FNIP2: variants seen among roughly 807,000 people sequenced by gnomAD.
FNIP2 encodes the protein folliculin interacting protein 2.
Under a neutral mutation model 108.7 loss-of-function variants are expected in FNIP2, and 32 were observed. The observed-to-expected ratio is 0.29, with a 90% CI of 0.22 to 0.40. The LOEUF (loss-of-function observed/expected upper bound fraction) is 0.40. FNIP2 is among the 10% of genes least tolerant of loss of function. The probability of loss-of-function intolerance (pLI) is 1.00; values close to 1 mark genes in which losing one functional copy is unlikely to be tolerated. For synonymous variants in FNIP2, 480 were observed against 496.7 expected (o/e 0.97, Z 0.45); for missense variants, 1,202 against 1,381.6 (o/e 0.87, Z 2.06).
intron 7 of FNIP2, among the ~76,000 whole-genome samples, chr4:158,838,221 T>G (rs1300067656): frequency 6.9e-6 from 1 of 144,498 alleles, no homozygotes; most frequent in African/African-American, 2.5e-5. Flanking sequence ...TATTCTCTTT[T>G]AGGCCTGCTT....
At chr4:158,811,800 G>T (rs183218479) in intron 1 of FNIP2, among the ~76,000 whole-genome samples, 4 of 152,188 alleles carry the variant, frequency 2.6e-5, no homozygotes, top group African/African-American at 9.6e-5. Flanking sequence ...CATGAGTCCC[G>T]AAGTTAGAGA....
intron 1 of FNIP2, among the ~76,000 whole-genome samples, chr4:158,770,019 A>T (rs1561271699): frequency 6.6e-6 from 1 of 152,202 alleles, no homozygotes; most frequent in Non-Finnish European, 1.5e-5. Context: ...AAAATGCTTT[A>T]TGTTGATTTC....
intron 16 of FNIP2, among the ~76,000 whole-genome samples, chr4:158,897,836 A>C (rs1405953394): frequency 6.6e-6 from 1 of 152,128 alleles, no homozygotes; most frequent in Non-Finnish European, 1.5e-5. Flanking sequence ...GAAACTCTTT[A>C]GTTTAATTAG....
intron 16 of FNIP2, among the ~76,000 whole-genome samples, chr4:158,901,483 G>C (rs569715456): frequency 6.6e-6 from 1 of 151,924 alleles, no homozygotes; most frequent in African/African-American, 2.4e-5. Context: ...TGCTCTTCTC[G>C]AGGAGTATCT....
chr4:158,825,363 C>T (rs1778096037), intron 1 of FNIP2, among the ~76,000 whole-genome samples: 1 of 152,140 alleles, frequency 6.6e-6, no homozygotes, highest in South Asian at 2.1e-4. Flanking sequence ...TACAGTGATG[C>T]ACTTGGTTTC....
chr4:158,775,420 T>C (rs1215603422), intron 1 of FNIP2, among the ~76,000 whole-genome samples: 1 of 152,154 alleles, frequency 6.6e-6, no homozygotes, highest in Non-Finnish European at 1.5e-5. Flanking sequence ...ATGATTATTA[T>C]GTAAAAAAAG....
At chr4:158,842,389 TAA>T (rs1560794182) in intron 7 of FNIP2, among the ~76,000 whole-genome samples, 1 of 152,230 alleles carries the variant, frequency 6.6e-6, no homozygotes, top group Non-Finnish European at 1.5e-5. Context: ...AATTAATCTA[TAA>T]GTTTAGTGTA....
chr4:158,904,623 G>T lies in FNIP2; in HGVS notation c.*79G>T. On this transcript the variant is annotated 3_prime_UTR_variant, in exon 17 of 17. Transcript: ENST00000264433. ...AAGGAGAAAGGAATAAGCTCTCTGT[G>T]ATGTCAAAAGCATGAGAAGAGCAAA... 1 of 1,240,468 alleles carries T rather than the reference G, an allele frequency of 8.1e-7. No individual in the cohort carries two copies. The allele number at this position is 1,240,468 out of a possible 1,614,324, so 76.8% of individuals were successfully genotyped here.
chr4:158,886,407 A>T (rs916171720), intron 14 of FNIP2, among the ~76,000 whole-genome samples: 2 of 152,116 alleles, frequency 1.3e-5, no homozygotes, highest in African/African-American at 4.8e-5. Flanking sequence ...GAAGTTTCCG[A>T]GTTACCCAAT....
rs1213206629 is a variant in FNIP2 at position 158,905,823 on chromosome 4, A to C, written c.*1279A>C. Reference sequence around the variant, plus strand: ...ACTTTTAAATATTGGTCATTAAAGGACAGGAGCTAAGCTAGCAAAGCAAAA... The same window carrying C: ...ACTTTTAAATATTGGTCATTAAAGGCCAGGAGCTAAGCTAGCAAAGCAAAA... On this transcript the variant is annotated 3_prime_UTR_variant, in exon 17 of 17. Transcript: ENST00000264433. The C allele has an allele frequency of 2.0e-5, 3 of 152,196 alleles. No homozygotes were observed. The highest frequency in any genetic ancestry group is 4.4e-5 in the Non-Finnish European group (3 of 68,038). The allele number at this position is 152,196 out of a possible 1,614,324, so 9.4% of individuals were successfully genotyped here. A position where few individuals can be genotyped will look rare whatever the true frequency, so the allele number is the denominator to read the frequency against.
At chr4:158,830,582 C>T (rs983086485) in intron 3 of FNIP2, among the ~76,000 whole-genome samples, 6 of 152,198 alleles carry the variant, frequency 3.9e-5, no homozygotes, top group Admixed American at 2.0e-4. Flanking sequence ...TTTCTCTTTC[C>T]GCCTCTGCAA....
chr4:158,782,477 A>AT (rs1308657998), intron 1 of FNIP2, among the ~76,000 whole-genome samples: 1 of 151,826 alleles, frequency 6.6e-6, no homozygotes, highest in Non-Finnish European at 1.5e-5. Flanking sequence ...TACCAGATAC[A>AT]TAACTATCTC....
intron 3 of FNIP2, among the ~76,000 whole-genome samples, chr4:158,829,687 G>A (rs1778354876): frequency 6.6e-6 from 1 of 151,284 alleles, no homozygotes; most frequent in Non-Finnish European, 1.5e-5. Context: ...AAGGCTGATG[G>A]CATTTTTTAC....
In FNIP2 at chr4:158,823,342, T is replaced by A. The variant is rs553497176; in HGVS notation, c.108-2574T>A. On this transcript the variant is annotated intron_variant, in intron 1 of 16. Transcript: ENST00000264433. Reference sequence around the variant, plus strand: ...GTGCAGTGGTGCGATCTCGGCTCACTGCAACCTCTGTCTCCCAAGTTCAAG... The same window carrying A: ...GTGCAGTGGTGCGATCTCGGCTCACAGCAACCTCTGTCTCCCAAGTTCAAG... Among the ~76,000 whole-genome samples, 3 of 152,308 alleles carry A rather than the reference T, an allele frequency of 2.0e-5. No individual in the cohort carries two copies. The South Asian group carries it at 6.2e-4, about 32-fold the overall frequency.
intron 14 of FNIP2, among the ~76,000 whole-genome samples, chr4:158,882,454 A>C (rs1475934485): frequency 6.6e-6 from 1 of 150,616 alleles, no homozygotes; most frequent in Non-Finnish European, 1.5e-5. Context: ...CCTTCTGGGG[A>C]GTGAGGAGCC....
chr4:158,849,015 AG>A (rs1277246764), intron 7 of FNIP2, among the ~76,000 whole-genome samples: 1 of 152,152 alleles, frequency 6.6e-6, no homozygotes, highest in African/African-American at 2.4e-5. Flanking sequence ...CCACCTAGCA[AG>A]GGCCCATCCT....
In FNIP2 at chr4:158,779,794, C is replaced by T. The variant is rs554712576; in HGVS notation, c.107+10475C>T. On this transcript the variant is annotated intron_variant, in intron 1 of 16. Transcript: ENST00000264433. ...GGGGTGGTCTCACTGTGTTGCCCAG[C>T]GTAGTCTTGAACTCCAGGGCTCAAG... 4.0e-5 allele frequency among the ~76,000 whole-genome samples: 6 copies of T among 149,294 alleles called. No individual in the cohort carries two copies. The East Asian group carries it at 5.9e-4, about 15-fold the overall frequency.
intron 12 of FNIP2, 122 bp downstream of exon 12, chr4:158,861,898 G>A (rs1229317570): frequency 1.7e-6 from 2 of 1,168,296 alleles, no homozygotes; most frequent in Admixed American, 4.2e-5. Context: ...GGGCAGATGA[G>A]GAATAGGAAG....
intron 1 of FNIP2, among the ~76,000 whole-genome samples, chr4:158,786,090 C>A (rs1225952663): frequency 6.6e-6 from 1 of 152,174 alleles, no homozygotes; most frequent in Non-Finnish European, 1.5e-5. Context: ...ACTGTTTATT[C>A]TCTTTACTTG....
Sources: allele counts gnomAD v4.1 joint callset (sites outside exome capture counted in the v4.1 genomes callset), GRCh38; gene constraint gnomAD v4.1.1; transcripts MANE v1.5; gene names NCBI Gene and HGNC (gene_info 2026-07-23, HGNC 2026-07-21).